Variants in PCDHA2 observed in about 807,000 individuals in gnomAD.
The protein encoded by PCDHA2 is protocadherin alpha 2.
In PCDHA2, 58 loss-of-function variants were observed where a neutral mutation model predicts 66.0. That is an observed-to-expected ratio of 0.88 (90% CI 0.71 to 1.09). The LOEUF (loss-of-function observed/expected upper bound fraction) is 1.09, where lower values mean the gene tolerates loss of function less well. PCDHA2 is among the 50% of genes least tolerant of loss of function. The pLI is 0.00. For synonymous variants in PCDHA2, 634 were observed against 554.0 expected, an observed-to-expected ratio of 1.14 and a Z score of -2.03; for missense variants, 1,267 against 1,242.3, an observed-to-expected ratio of 1.02 and a Z score of -0.30.
At position 140,877,517 on chromosome 5, in the gene PCDHA2, C is replaced by T. The variant is rs782271327; in HGVS notation, c.2388+80165C>T. ...CAGGCCCCAAAGACGTCGTCGCGGG[C>T]CTCAGTGGGCGCTGTGGATCCCGAA... On this transcript the variant is annotated intron_variant, in intron 1 of 3. Coordinates refer to ENST00000526136, the MANE Select transcript of PCDHA2 (RefSeq NM_018905.3). 5.6e-6 allele frequency: 9 copies of T among 1,613,766 alleles called. No homozygotes were observed. Among genetic ancestry groups the T allele is most frequent in the Non-Finnish European group, 7.6e-6 (9 of 1,179,862 alleles).
chr5:140,823,800 G>A (rs2150129246), intron 1 of PCDHA2: 3 of 1,613,816 alleles, frequency 1.9e-6, no homozygotes, highest in South Asian at 1.1e-5. Flanking sequence ...GCCAGGCGCC[G>A]AAGGCCTCAT....
At chr5:140,857,326 G>A in intron 1 of PCDHA2, 4 of 1,598,700 alleles carry the variant, frequency 2.5e-6, no homozygotes, top group Non-Finnish European at 1.7e-6. Flanking sequence ...TGGTGACCGC[G>A]CGGGACGGGG....
At chr5:140,998,210 A>G (rs2097801454) in intron 3 of PCDHA2, among the ~76,000 whole-genome samples, 1 of 152,218 alleles carries the variant, frequency 6.6e-6, no homozygotes, top group South Asian at 2.1e-4. Flanking sequence ...TTTAATCTGT[A>G]TAACCACACC....
chr5:140,850,318 C>T lies in PCDHA2; in HGVS notation c.2388+52966C>T, dbSNP rs1306863704. On this transcript the variant is annotated intron_variant, in intron 1 of 3. Transcript: ENST00000526136. ...GACTCGGGCTACAACGCGTGGCTTT[C>T]ATACGAGCTGCAGCCAGAAACGGCC... The T allele has an allele frequency of 4.4e-6, 7 of 1,597,384 alleles. 1 individual carries two copies. In the African/African-American group the frequency reaches 5.4e-5, roughly 12 times the overall value.
At chr5:140,808,064 T>G (rs1554124407) in intron 1 of PCDHA2, 1 of 1,614,056 alleles carries the variant, frequency 6.2e-7, no homozygotes, top group Non-Finnish European at 8.5e-7. Context: ...GAAATCCAAG[T>G]TTCACATAGA....
intron 1 of PCDHA2, chr5:140,807,928 T>C (rs1183816260): frequency 1.2e-6 from 2 of 1,614,026 alleles, no homozygotes; most frequent in African/African-American, 2.7e-5. Flanking sequence ...GAACCATTTA[T>C]AAGGTGAGAT....
At chr5:140,928,739 G>A in intron 1 of PCDHA2, 1 of 1,614,148 alleles carries the variant, frequency 6.2e-7, no homozygotes, top group African/African-American at 1.3e-5. Flanking sequence ...GCCAATATAG[G>A]TGAGCTCCGT....
intron 1 of PCDHA2, among the ~76,000 whole-genome samples, chr5:140,918,454 C>A (rs1168986520): frequency 6.6e-6 from 1 of 152,158 alleles, no homozygotes; most frequent in Non-Finnish European, 1.5e-5. Context: ...CAGTGGGCAT[C>A]CTTGTCTTAT....
In PCDHA2 at chr5:140,795,782, C is replaced by A; in HGVS notation, c.818C>A (p.Pro273Gln). Residue 273 changes from proline to glutamine, a missense_variant, in exon 1 of 4, where the codon CCG (proline) becomes CAG (glutamine). Coordinates refer to ENST00000526136, the MANE Select transcript of PCDHA2 (RefSeq NM_018905.3). ...KLNASDADEG[P>Q]NSEIVYSLGS... ...AACGCTTCTGATGCAGATGAAGGAC[C>A]GAACAGCGAGATTGTGTATTCACTC... The A allele has an allele frequency of 6.2e-7, 1 of 1,613,704 alleles. No homozygotes were observed.
intron 1 of PCDHA2, chr5:140,836,934 A>G (rs904378131): frequency 1.9e-5 from 9 of 477,852 alleles, no homozygotes; most frequent in Non-Finnish European, 2.9e-5. Context: ...GCGTAATACT[A>G]TAGATCAAAA....
At chr5:140,870,534 G>C (rs547039725) in intron 1 of PCDHA2, 2 of 1,614,032 alleles carry the variant, frequency 1.2e-6, no homozygotes, top group Non-Finnish European at 1.7e-6. Flanking sequence ...TCACAGTGTC[G>C]GCGCGGGACG....
chr5:140,834,371 C>T (rs367564168), intron 1 of PCDHA2: 1 of 1,557,940 alleles, frequency 6.4e-7, no homozygotes, highest in Non-Finnish European at 8.7e-7. Context: ...GAAAAACAAG[C>T]CAATAATTTG....
At chr5:140,812,838 TTAACA>T (rs1299220004) in intron 1 of PCDHA2, 1 of 152,250 alleles carries the variant, frequency 6.6e-6, no homozygotes, top group Non-Finnish European at 1.5e-5. Flanking sequence ...TTTGTTTATC[TTAACA>T]TATTTTCTAA....
Position 140,857,793 on chromosome 5 carries a change from G to A in PCDHA2, c.2388+60441G>A, listed in dbSNP as rs782663646. The A allele has an allele frequency of 5.0e-6, 8 of 1,597,706 alleles. No individual in the cohort carries two copies. The Middle Eastern group carries it at 6.9e-4, about 137-fold the overall frequency. ...GGTGCAGTCAGTGAGCTGGTGCTGC[G>A]GTCGGTGGTTGCGGGTCACGTGGTG... is the stretch of plus-strand genomic sequence containing the variant. On this transcript the variant is annotated intron_variant, in intron 1 of 3. Coordinates refer to ENST00000526136, the MANE Select transcript of PCDHA2 (RefSeq NM_018905.3).
intron 3 of PCDHA2, among the ~76,000 whole-genome samples, chr5:140,989,936 C>T (rs564429410): frequency 1.3e-5 from 2 of 152,104 alleles, no homozygotes; most frequent in Non-Finnish European, 2.9e-5. Flanking sequence ...AGATGACATT[C>T]CACGTTTTTC....
intron 1 of PCDHA2, among the ~76,000 whole-genome samples, chr5:140,932,839 C>T (rs138437913): frequency 6.6e-6 from 1 of 151,940 alleles, no homozygotes; most frequent in East Asian, 1.9e-4. Flanking sequence ...GACAATGTGT[C>T]TCATAATGTT....
intron 1 of PCDHA2, among the ~76,000 whole-genome samples, chr5:140,846,281 T>G (rs1780295705): frequency 6.7e-6 from 1 of 149,458 alleles, no homozygotes; most frequent in Non-Finnish European, 1.5e-5. Context: ...CAATTTATGT[T>G]GTAGTTCTAT....
chr5:140,997,087 T>C (rs1218654416), intron 3 of PCDHA2, among the ~76,000 whole-genome samples: 4 of 152,156 alleles, frequency 2.6e-5, no homozygotes, highest in Non-Finnish European at 5.9e-5. Flanking sequence ...GAGTAGAAAG[T>C]GCAGAGTTCT....
intron 1 of PCDHA2, among the ~76,000 whole-genome samples, chr5:140,800,148 C>G (rs1456064596): frequency 6.6e-6 from 1 of 152,072 alleles, no homozygotes; most frequent in Non-Finnish European, 1.5e-5. Context: ...TTAGTATATA[C>G]AGGTAAATTC....
Sources: allele counts gnomAD v4.1 joint callset (sites outside exome capture counted in the v4.1 genomes callset), GRCh38; gene constraint gnomAD v4.1.1; transcripts MANE v1.5; gene names NCBI Gene and HGNC (gene_info 2026-07-23, HGNC 2026-07-21).